The following SHISA9 variants were observed in gnomAD, a reference collection of about 807,000 sequenced individuals.
The protein encoded by SHISA9 is shisa family member 9.
SHISA9 carries 13 observed loss-of-function variants against 38.0 expected under a neutral mutation model. The observed-to-expected ratio is 0.34, with a 90% confidence interval of 0.22 to 0.54. The LOEUF (loss-of-function observed/expected upper bound fraction) is 0.54. SHISA9 is among the 20% of genes least tolerant of loss of function. SHISA9 has a pLI of 0.91. For missense variants in SHISA9, 538 were observed against 575.8 expected, an observed-to-expected ratio of 0.93 and a Z score of 0.67; for synonymous variants, 275 against 242.0, an observed-to-expected ratio of 1.14 and a Z score of -1.27.
At chr16:12,912,578 G>A (rs1164659173) in intron 1 of SHISA9, among the ~76,000 whole-genome samples, 1 of 152,136 alleles carries the variant, frequency 6.6e-6, no homozygotes, top group African/African-American at 2.4e-5. Flanking sequence ...TGAAGAGCCT[G>A]TTTACAAGTG....
chr16:13,562,714 A>G, the SHISA9 span: 1 of 151,770 alleles, frequency 6.6e-6, no homozygotes, highest in Non-Finnish European at 1.5e-5. Flanking sequence ...TAGCAACCTT[A>G]CGATGGAGGC....
chr16:13,548,196 T>C, the SHISA9 span, among the ~76,000 whole-genome samples: 1 of 152,102 alleles, frequency 6.6e-6, no homozygotes, highest in Non-Finnish European at 1.5e-5. Context: ...TCTCTCACCA[T>C]ATAAAAAAGT....
chr16:13,483,285 T>C, the SHISA9 span, among the ~76,000 whole-genome samples: 1 of 152,168 alleles, frequency 6.6e-6, no homozygotes, highest in Non-Finnish European at 1.5e-5. Flanking sequence ...AGTTTTTCAT[T>C]TTTTAAGGGA....
the SHISA9 span, among the ~76,000 whole-genome samples, chr16:13,346,302 C>T: frequency 2.0e-5 from 3 of 152,268 alleles, no homozygotes; most frequent in Admixed American, 2.0e-4. Context: ...TCGGCTGCGA[C>T]GCCACCAGAT....
At chr16:13,290,728 T>C in the SHISA9 span, among the ~76,000 whole-genome samples, 2 of 152,072 alleles carry the variant, frequency 1.3e-5, no homozygotes, top group Admixed American at 6.6e-5. Flanking sequence ...CCTACTGTGA[T>C]AAAGAGCTTG....
At chr16:13,110,940 C>A (rs1289670690) in intron 2 of SHISA9, among the ~76,000 whole-genome samples, 1 of 152,116 alleles carries the variant, frequency 6.6e-6, no homozygotes, top group African/African-American at 2.4e-5. Context: ...TTAACTGTAG[C>A]CCTTAAGAAG....
the SHISA9 span, among the ~76,000 whole-genome samples, chr16:13,364,555 T>A: frequency 6.6e-6 from 1 of 152,192 alleles, no homozygotes; most frequent in African/African-American, 2.4e-5. Context: ...ATATAGACAA[T>A]ATTAAACAGA....
chr16:13,167,046 ACTT>A (rs1017369630), intron 2 of SHISA9, among the ~76,000 whole-genome samples: 3 of 136,542 alleles, frequency 2.2e-5, no homozygotes, highest in South Asian at 4.9e-4. Context: ...ACTTTACTCT[ACTT>A]CTTCTCTCTC....
intron 2 of SHISA9, among the ~76,000 whole-genome samples, chr16:13,103,933 G>A (rs567715111): frequency 3.3e-5 from 5 of 152,044 alleles, no homozygotes; most frequent in Non-Finnish European, 2.9e-5. Context: ...TGGGATATAC[G>A]CCACTCTCCA....
chr16:13,456,470 C>A, the SHISA9 span, among the ~76,000 whole-genome samples: 1 of 152,328 alleles, frequency 6.6e-6, no homozygotes, highest in East Asian at 1.9e-4. Context: ...TTCACTGGGG[C>A]AATTCTGGGA....
chr16:13,382,619 G>A, the SHISA9 span, among the ~76,000 whole-genome samples: 1 of 152,066 alleles, frequency 6.6e-6, no homozygotes, highest in Non-Finnish European at 1.5e-5. Context: ...AGGACTTTGG[G>A]AGGCTGAGGC....
At chr16:13,288,082 G>A in the SHISA9 span, among the ~76,000 whole-genome samples, 3 of 152,134 alleles carry the variant, frequency 2.0e-5, no homozygotes, top group African/African-American at 7.2e-5. Flanking sequence ...GGGAATCTGA[G>A]CTGAAGATTA....
chr16:13,537,298 G>A, the SHISA9 span, among the ~76,000 whole-genome samples: 1 of 151,862 alleles, frequency 6.6e-6, no homozygotes, highest in Non-Finnish European at 1.5e-5. Context: ...CATGGTGGCA[G>A]TTGCCTGTAA....
the SHISA9 span, among the ~76,000 whole-genome samples, chr16:13,473,211 CA>C: frequency 6.6e-6 from 1 of 152,184 alleles, no homozygotes; most frequent in Admixed American, 6.5e-5. Context: ...GAACAGTGCT[CA>C]GTCTTGGGCT....
intron 2 of SHISA9, among the ~76,000 whole-genome samples, chr16:13,035,587 C>G (rs12927918): frequency 0.75 from 113,331 of 151,766 alleles, 43,062 homozygotes; most frequent in African/African-American, 0.88. Flanking sequence ...CTGGAGTGCA[C>G]TGGAGTGATG....
Position 13,148,247 on chromosome 16 carries a change from A to G in SHISA9, c.692-55147A>G, listed in dbSNP as rs2050465175. Among the ~76,000 whole-genome samples the G allele has an allele frequency of 3.3e-5, 5 of 152,098 alleles. No individual in the cohort carries two copies. The South Asian group carries it at 1.0e-3, about 31-fold the overall frequency. On this transcript the variant is annotated intron_variant, in intron 2 of 4. Transcript: ENST00000558583. ...TGTCCCCGCACACCCGAATATACAC[A>G]AACACATATTCCCCACGCTCCGTGA...
chr16:13,049,789 G>A (rs1419241258), intron 2 of SHISA9, among the ~76,000 whole-genome samples: 1 of 151,888 alleles, frequency 6.6e-6, no homozygotes, highest in East Asian at 1.9e-4. Context: ...CTCCACTTAT[G>A]CTTCCAGATG....
At position 12,902,631 on chromosome 16, in the gene SHISA9, G is replaced by A; in HGVS notation, c.563+4G>A. 1 of 1,539,154 alleles carries A rather than the reference G, an allele frequency of 6.5e-7. No homozygotes were observed. Among genetic ancestry groups the A allele is most frequent in the Non-Finnish European group, 8.8e-7 (1 of 1,140,702 alleles). ...CCCAAAGGGAGCACATGTCCAGGTGGGCTGCCTCCCCTTCGCCCTCCCCTC... is the reference window on the plus strand; with the variant it reads ...CCCAAAGGGAGCACATGTCCAGGTGAGCTGCCTCCCCTTCGCCCTCCCCTC... On this transcript the variant is annotated splice_donor_region_variant and intron_variant, in intron 1 of 4. Coordinates refer to ENST00000558583, the MANE Select transcript of SHISA9 (RefSeq NM_001145204.3).
chr16:13,081,767 G>A (rs1189341839), intron 2 of SHISA9, among the ~76,000 whole-genome samples: 1 of 151,496 alleles, frequency 6.6e-6, no homozygotes, highest in Non-Finnish European at 1.5e-5. Context: ...GCAGAGAACT[G>A]CTTGAACCCG....
Sources: allele counts gnomAD v4.1 joint callset (sites outside exome capture counted in the v4.1 genomes callset), GRCh38; gene constraint gnomAD v4.1.1; transcripts MANE v1.5; gene names NCBI Gene and HGNC (gene_info 2026-07-23, HGNC 2026-07-21).